PCNX1: variants seen among roughly 807,000 people sequenced by gnomAD.
The protein encoded by PCNX1 is pecanex-like protein 1.
PCNX1 carries 78 observed loss-of-function variants against 242.2 expected under a neutral mutation model. The ratio of observed to expected loss-of-function variants is 0.32; its 90% CI spans 0.27 to 0.39. PCNX1 has a LOEUF of 0.39. PCNX1 is among the 10% of genes least tolerant of loss of function. The pLI is 1.00. For missense variants in PCNX1, 2,581 were observed against 2,856.5 expected, an observed-to-expected ratio of 0.90 and a Z score of 2.20; for synonymous variants, 1,024 against 1,032.9, an observed-to-expected ratio of 0.99 and a Z score of 0.17.
At chr14:70,918,244 G>T (rs1337733305) in intron 1 of PCNX1, among the ~76,000 whole-genome samples, 1 of 152,102 alleles carries the variant, frequency 6.6e-6, no homozygotes, top group East Asian at 1.9e-4. Context: ...TTGACTTTTG[G>T]TGCATGAGGA....
At chr14:71,060,337 AT>A (rs575302590) in intron 26 of PCNX1, among the ~76,000 whole-genome samples, 2 of 152,144 alleles carry the variant, frequency 1.3e-5, no homozygotes, top group East Asian at 3.8e-4. Context: ...TGTTTATTAT[AT>A]TATGCTATAC....
chr14:71,039,084 A>G (rs969434620), intron 19 of PCNX1, among the ~76,000 whole-genome samples: 2 of 150,778 alleles, frequency 1.3e-5, no homozygotes, highest in African/African-American at 4.9e-5. Context: ...GGATGGGGGT[A>G]GTGGGGAGGG....
At chr14:71,088,685 C>T (rs1328297397) in intron 29 of PCNX1, among the ~76,000 whole-genome samples, 1 of 152,096 alleles carries the variant, frequency 6.6e-6, no homozygotes, top group African/African-American at 2.4e-5. Flanking sequence ...TTTTAAAATA[C>T]AACCACCCCA....
At chr14:71,096,321 GA>G (rs904103015) in intron 30 of PCNX1, among the ~76,000 whole-genome samples, 11 of 147,726 alleles carry the variant, frequency 7.4e-5, no homozygotes, top group South Asian at 4.3e-4. Flanking sequence ...TGTCTCAAAA[GA>G]AAAAAAAAAT....
At chr14:71,058,226 G>A (rs889249913) in intron 26 of PCNX1, among the ~76,000 whole-genome samples, 3 of 152,170 alleles carry the variant, frequency 2.0e-5, no homozygotes, top group East Asian at 1.9e-4. Flanking sequence ...TACATTCACA[G>A]TGTTGGGCAG....
At chr14:70,988,435 A>G (rs1009582088) in intron 6 of PCNX1, 132 bp from the exon 7 acceptor site, 1 of 734,462 alleles carries the variant, frequency 1.4e-6, no homozygotes, top group South Asian at 1.9e-5. Context: ...TTGACAGTAT[A>G]CATGTGAAAA....
chr14:70,978,583 C>A lies in PCNX1; in HGVS notation c.2246C>A (p.Ser749Tyr), dbSNP rs868226917. 1.9e-6 allele frequency: 3 copies of A among 1,614,006 alleles called. No homozygotes were observed. The Middle Eastern group carries it at 4.9e-4, about 266-fold the overall frequency. ...RASQLETVTR[S>Y]RNSLPNQVAF... ...TCCCAGTTAGAGACAGTCACTCGAT[C>A]TAGGAATAGCTTGCCAAACCAGGTT... is the stretch of plus-strand genomic sequence containing the variant. The change falls in exon 6 of 36, where the codon TCT (serine) becomes TAT (tyrosine). Residue 749 changes from serine (S) to tyrosine (Y), a missense_variant. Coordinates refer to ENST00000304743, the MANE Select transcript of PCNX1 (RefSeq NM_014982.3).
At chr14:70,941,750 A>G (rs1189048723) in intron 1 of PCNX1, among the ~76,000 whole-genome samples, 2 of 152,238 alleles carry the variant, frequency 1.3e-5, no homozygotes, top group Non-Finnish European at 2.9e-5. Flanking sequence ...AGAGGCAGGC[A>G]GGCCTCCTTG....
intron 26 of PCNX1, among the ~76,000 whole-genome samples, chr14:71,067,834 T>C (rs971627509): frequency 3.3e-5 from 5 of 152,130 alleles, no homozygotes; most frequent in Non-Finnish European, 5.9e-5. Context: ...TCAAAGCACT[T>C]ATATATTTCT....
Position 70,977,126 on chromosome 14 carries a change from A to G in PCNX1, c.789A>G (p.Val263=), listed in dbSNP as rs140621342. ...QSLSSACDTE[V]ASLVPLHSHS... Reference sequence around the variant, plus strand: ...TGTCCAGCGCCTGTGACACAGAAGTAGCTTCTCTTGTACCTTTACACTCAC... The same window carrying G: ...TGTCCAGCGCCTGTGACACAGAAGTGGCTTCTCTTGTACCTTTACACTCAC... Residue 263 remains valine, a synonymous_variant, in exon 6 of 36, where the codon GTA becomes GTG. Coordinates refer to ENST00000304743, the MANE Select transcript of PCNX1 (RefSeq NM_014982.3). 50 of 1,614,090 alleles carry G rather than the reference A, an allele frequency of 3.1e-5. No homozygotes were observed. The highest frequency in any genetic ancestry group is 4.1e-5 in the Non-Finnish European group (48 of 1,180,046).
chr14:70,995,976 A>T (rs770473713), intron 8 of PCNX1, 51 bp downstream of exon 8: 13 of 1,324,494 alleles, frequency 9.8e-6, no homozygotes, highest in Non-Finnish European at 1.1e-5. Flanking sequence ...AATGCAGCAG[A>T]TGATGGGTAA....
intron 6 of PCNX1, among the ~76,000 whole-genome samples, chr14:70,987,718 G>C (rs569064605): frequency 3.0e-4 from 45 of 152,250 alleles, no homozygotes; most frequent in African/African-American, 9.9e-4. Context: ...GTCAATTTTT[G>C]TGGTTTTGTA....
intron 1 of PCNX1, among the ~76,000 whole-genome samples, chr14:70,922,939 A>G (rs2056436645): frequency 6.6e-6 from 1 of 152,180 alleles, no homozygotes; most frequent in African/African-American, 2.4e-5. Context: ...CTACCAATTT[A>G]TATTCTCTCC....
chr14:70,972,447 G>A (rs1442303202), intron 5 of PCNX1, among the ~76,000 whole-genome samples: 1 of 152,162 alleles, frequency 6.6e-6, no homozygotes, highest in Non-Finnish European at 1.5e-5. Context: ...CAGTTAAGGG[G>A]TTGGGTATTA....
At chr14:71,083,944 A>G (rs2061919433) in intron 28 of PCNX1, among the ~76,000 whole-genome samples, 1 of 151,830 alleles carries the variant, frequency 6.6e-6, no homozygotes, top group Non-Finnish European at 1.5e-5. Context: ...GGTTTTTGGA[A>G]TTTTCGGCCT....
rs1233416286 is a variant in PCNX1 at position 71,113,663 on chromosome 14, T to C, written c.*3728T>C. On this transcript the variant is annotated 3_prime_UTR_variant, in exon 36 of 36. Transcript: ENST00000304743. Reference sequence around the variant, plus strand: ...AGTGTCTAAAGTTGTCCTTTTCTTATAGCTAGCTTTCAAGCATCTTTCCTC... The same window carrying C: ...AGTGTCTAAAGTTGTCCTTTTCTTACAGCTAGCTTTCAAGCATCTTTCCTC... 1 of 152,436 alleles carries C rather than the reference T, an allele frequency of 6.6e-6. No homozygotes were observed. Among genetic ancestry groups the C allele is most frequent in the African/African-American group, 2.4e-5 (1 of 41,454 alleles). 9.4% of individuals were successfully genotyped at this position (152,436 alleles called of 1,614,324 possible). A position where few individuals can be genotyped will look rare whatever the true frequency, so the allele number is the denominator to read the frequency against.
intron 8 of PCNX1, among the ~76,000 whole-genome samples, chr14:70,998,526 A>G (rs975755000): frequency 6.6e-6 from 1 of 152,030 alleles, no homozygotes; most frequent in Non-Finnish European, 1.5e-5. Context: ...CAAGACGGGC[A>G]GATCACTTGA....
rs35068772 is a variant in PCNX1 at position 70,994,396 on chromosome 14, G to GATATAT, written c.2445-1316_2445-1311dup. On this transcript the variant is annotated intron_variant, in intron 7 of 35. Transcript: ENST00000304743. ...TCTATTATCATAACCACAGGCTTAA[G>GATATAT]ATATATATATATATATATATATATA... 6.4e-3 allele frequency among the ~76,000 whole-genome samples: 616 copies of GATATAT among 96,882 alleles called. 26 individuals carry two copies. The highest frequency in any genetic ancestry group is 0.011 in the East Asian group (47 of 4,092). The allele number at this position is 96,882 out of a possible 152,430, so 63.6% of individuals were successfully genotyped here.
intron 12 of PCNX1, among the ~76,000 whole-genome samples, chr14:71,020,298 AG>A (rs2060066125): frequency 6.6e-6 from 1 of 152,218 alleles, no homozygotes; most frequent in Non-Finnish European, 1.5e-5. Context: ...GTATATACCC[AG>A]TAATGGGATT....
Sources: allele counts gnomAD v4.1 joint callset (sites outside exome capture counted in the v4.1 genomes callset), GRCh38; gene constraint gnomAD v4.1.1; transcripts MANE v1.5; gene names NCBI Gene and HGNC (gene_info 2026-07-23, HGNC 2026-07-21).